The following EBF2 variants were observed in gnomAD, a reference collection of about 807,000 sequenced individuals.
The protein encoded by EBF2 is transcription factor COE2.
A neutral mutation model predicts 72.8 loss-of-function variants in EBF2; 21 were observed. The ratio of observed to expected loss-of-function variants is 0.29; its 90% CI spans 0.20 to 0.42. The LOEUF (loss-of-function observed/expected upper bound fraction) is 0.42. EBF2 is among the 10% of genes least tolerant of loss of function. The pLI is 1.00. For missense variants in EBF2, 637 were observed against 731.2 expected (o/e 0.87, Z 1.49); for synonymous variants, 299 against 274.2 (o/e 1.09, Z -0.89).
intron 14 of EBF2, among the ~76,000 whole-genome samples, chr8:25,855,910 C>A (rs766503146): frequency 6.6e-6 from 1 of 152,136 alleles, no homozygotes; most frequent in Non-Finnish European, 1.5e-5. Flanking sequence ...TTCTGTCTCC[C>A]AGTTGGGCAG....
chr8:25,994,115 G>C (rs1343670506), intron 6 of EBF2, among the ~76,000 whole-genome samples: 1 of 151,928 alleles, frequency 6.6e-6, no homozygotes, highest in Non-Finnish European at 1.5e-5. Flanking sequence ...TAATATGAAG[G>C]GGACTAGTGA....
At chr8:25,898,847 A>C (rs949317377) in intron 7 of EBF2, among the ~76,000 whole-genome samples, 1 of 152,106 alleles carries the variant, frequency 6.6e-6, no homozygotes. Context: ...GACTAAGAAC[A>C]CTTTGCTTTC....
At chr8:25,933,127 C>T (rs563086479) in intron 6 of EBF2, among the ~76,000 whole-genome samples, 1 of 152,260 alleles carries the variant, frequency 6.6e-6, no homozygotes, top group African/African-American at 2.4e-5. Context: ...GGAGCGTTCG[C>T]GTGTCCTTTT....
At chr8:25,939,428 C>T (rs1408856550) in intron 6 of EBF2, among the ~76,000 whole-genome samples, 8 of 152,166 alleles carry the variant, frequency 5.3e-5, no homozygotes, top group South Asian at 4.2e-4. Flanking sequence ...TTTGTGTTTG[C>T]GTCCGTGTGT....
intron 6 of EBF2, among the ~76,000 whole-genome samples, chr8:25,991,114 T>TA (rs142216047): frequency 0.13 from 20,284 of 150,798 alleles, 1,935 homozygotes; most frequent in East Asian, 0.5. Context: ...GTGAAAAAAA[T>TA]AAAAAAAAAG....
Position 25,887,832 on chromosome 8 carries a change from C to A in EBF2, c.882+10G>T, listed in dbSNP as rs1442560523. Reference sequence around the variant, plus strand: ...AAGGAAATCAGAGTAAGCCTGTTGCCTCTGCTTACCTCGCTCCATACAAGC... The same window carrying A: ...AAGGAAATCAGAGTAAGCCTGTTGCATCTGCTTACCTCGCTCCATACAAGC... On this transcript the variant is annotated intron_variant, in intron 9 of 15. Transcript: ENST00000520164. 1 of 1,585,240 alleles carries A rather than the reference C, an allele frequency of 6.3e-7. No individual in the cohort carries two copies. Among genetic ancestry groups the A allele is most frequent in the East Asian group, 2.3e-5 (1 of 44,426 alleles).
chr8:25,887,123 CT>C (rs1802703779), intron 9 of EBF2, among the ~76,000 whole-genome samples: 2 of 151,768 alleles, frequency 1.3e-5, no homozygotes, highest in African/African-American at 2.4e-5. Context: ...CTCTGTCTCT[CT>C]CTCTCTCTCT....
chr8:26,019,617 A>G (rs978930539), intron 6 of EBF2, among the ~76,000 whole-genome samples: 16 of 152,312 alleles, frequency 1.1e-4, no homozygotes, highest in Admixed American at 2.6e-4. Flanking sequence ...AGCTGAGCCC[A>G]TGTACTCAGA....
intron 10 of EBF2, among the ~76,000 whole-genome samples, chr8:25,870,245 A>T (rs955687531): frequency 8.9e-5 from 13 of 146,408 alleles, no homozygotes; most frequent in African/African-American, 2.8e-4. Flanking sequence ...TCATTGCCTA[A>T]TTTTTTTTTT....
At chr8:25,976,057 G>C (rs1267319173) in intron 6 of EBF2, among the ~76,000 whole-genome samples, 1 of 152,146 alleles carries the variant, frequency 6.6e-6, no homozygotes, top group Non-Finnish European at 1.5e-5. Context: ...ATTTACTCAT[G>C]TTCTTAGTTT....
At chr8:26,006,561 A>G (rs1804885880) in intron 6 of EBF2, among the ~76,000 whole-genome samples, 1 of 152,164 alleles carries the variant, frequency 6.6e-6, no homozygotes, top group South Asian at 2.1e-4. Flanking sequence ...TCTATATTTA[A>G]ATAAACAACC....
intron 14 of EBF2, among the ~76,000 whole-genome samples, chr8:25,853,102 G>GTACTT (rs1802016514): frequency 1.3e-5 from 2 of 152,104 alleles, no homozygotes; most frequent in Admixed American, 1.3e-4. Context: ...TAAGTTTAGA[G>GTACTT]TACTTTCTCC....
intron 6 of EBF2, among the ~76,000 whole-genome samples, chr8:26,004,987 A>G (rs1365934896): frequency 6.6e-6 from 1 of 151,184 alleles, no homozygotes; most frequent in Admixed American, 6.6e-5. Flanking sequence ...ACAGTCGCAT[A>G]GTGGCTAGTC....
At chr8:25,961,796 G>A (rs1804039580) in intron 6 of EBF2, among the ~76,000 whole-genome samples, 1 of 152,126 alleles carries the variant, frequency 6.6e-6, no homozygotes, top group Non-Finnish European at 1.5e-5. Flanking sequence ...AAGCGCCAGG[G>A]GCACCTACAG....
chr8:26,024,552 C>T (rs1252143548), intron 6 of EBF2, among the ~76,000 whole-genome samples: 2 of 152,182 alleles, frequency 1.3e-5, no homozygotes, highest in Non-Finnish European at 2.9e-5. Context: ...CTGTACCTAT[C>T]TGCCACTGGA....
At chr8:25,935,718 T>G (rs1439606567) in intron 6 of EBF2, among the ~76,000 whole-genome samples, 3 of 152,218 alleles carry the variant, frequency 2.0e-5, no homozygotes, top group African/African-American at 7.2e-5. Flanking sequence ...CCAGCAAAGC[T>G]GAAACTCTCC....
chr8:25,932,048 T>C (rs936348466), intron 6 of EBF2, among the ~76,000 whole-genome samples: 1 of 152,164 alleles, frequency 6.6e-6, no homozygotes, highest in African/African-American at 2.4e-5. Context: ...GAGGCTTCCC[T>C]GCTCTGTCTT....
rs1007428334 is a variant in EBF2, at chr8:25,842,642, A to G, written c.*1967T>C. 6.6e-6 allele frequency: 1 copy of G among 152,068 alleles called. No homozygotes were observed. Among genetic ancestry groups the G allele is most frequent in the Non-Finnish European group, 1.5e-5 (1 of 67,990 alleles). The allele number at this position is 152,068 out of a possible 1,614,324, so 9.4% of individuals were successfully genotyped here. On this transcript the variant is annotated 3_prime_UTR_variant, in exon 16 of 16. Coordinates refer to ENST00000520164, the MANE Select transcript of EBF2 (RefSeq NM_022659.4). ...TATTTTGGCGCTTTAAGCCCTGACT[A>G]TGAGGGACTGTCAGCAGTAGTTATA...
At chr8:26,006,622 C>G (rs1178053646) in intron 6 of EBF2, among the ~76,000 whole-genome samples, 1 of 152,210 alleles carries the variant, frequency 6.6e-6, no homozygotes, top group Non-Finnish European at 1.5e-5. Context: ...AATTACATTT[C>G]CATGACACTG....
Sources: gnomAD v4.1 joint callset for allele counts (sites outside exome capture counted in the v4.1 genomes callset) on GRCh38, gnomAD v4.1.1 for gene constraint, MANE v1.5 for transcripts, NCBI Gene and HGNC (gene_info 2026-07-23, HGNC 2026-07-21) for gene names.